The following NKAIN2 variants were observed in gnomAD, a reference collection of about 807,000 sequenced individuals.
NKAIN2 encodes the protein sodium/potassium-transporting ATPase subunit beta-1-interacting protein 2.
In NKAIN2, 14 loss-of-function variants were observed where a neutral mutation model predicts 32.6. The observed-to-expected ratio is 0.43, with a 90% CI of 0.28 to 0.67. The LOEUF is 0.67. Ranked by LOEUF, NKAIN2 falls within the 30% of genes least tolerant of loss-of-function variation. The probability of loss-of-function intolerance (pLI) is 0.17; values close to 1 mark genes in which losing one functional copy is unlikely to be tolerated. For missense variants in NKAIN2, 198 were observed against 258.3 expected (o/e 0.77, Z 1.60); for synonymous variants, 80 against 87.2 (o/e 0.92, Z 0.46).
At chr6:124,281,444 C>T (rs547094682) in intron 1 of NKAIN2, among the ~76,000 whole-genome samples, 32 of 152,272 alleles carry the variant, frequency 2.1e-4, no homozygotes, top group African/African-American at 7.5e-4. Context: ...CATCAGAAGA[C>T]AATTCAGGTT....
At chr6:124,526,946 C>T (rs984865515) in intron 3 of NKAIN2, among the ~76,000 whole-genome samples, 10 of 151,968 alleles carry the variant, frequency 6.6e-5, no homozygotes, top group Non-Finnish European at 1.3e-4. Context: ...ATTTTTTTTC[C>T]TTATTAGCCT....
chr6:123,865,919 G>A (rs753439983), intron 1 of NKAIN2, among the ~76,000 whole-genome samples: 3 of 152,196 alleles, frequency 2.0e-5, no homozygotes, highest in Non-Finnish European at 4.4e-5. Flanking sequence ...AATTTGAATT[G>A]TACAATGTAA....
intron 1 of NKAIN2, among the ~76,000 whole-genome samples, chr6:123,853,246 A>G (rs1003050989): frequency 1.1e-4 from 16 of 152,238 alleles, no homozygotes; most frequent in African/African-American, 3.4e-4. Context: ...AAGAAAAAAG[A>G]TCTTTCTTCT....
At chr6:123,826,594 T>C (rs1315342319) in intron 1 of NKAIN2, among the ~76,000 whole-genome samples, 1 of 152,158 alleles carries the variant, frequency 6.6e-6, no homozygotes, top group Non-Finnish European at 1.5e-5. Flanking sequence ...ATATCTCATA[T>C]AAGTAGAATC....
chr6:124,348,789 C>A (rs566486984), intron 2 of NKAIN2, among the ~76,000 whole-genome samples: 1 of 152,174 alleles, frequency 6.6e-6, no homozygotes, highest in East Asian at 1.9e-4. Context: ...CGAAGCAGGG[C>A]GAGGCATTGC....
intron 2 of NKAIN2, among the ~76,000 whole-genome samples, chr6:124,331,528 C>CA (rs764118499): frequency 0.022 from 1,477 of 66,286 alleles, 38 homozygotes; most frequent in African/African-American, 0.051. Context: ...GACTCCGTCT[C>CA]AAAAAAAAAA....
At chr6:124,709,116 G>A (rs894303706) in intron 4 of NKAIN2, among the ~76,000 whole-genome samples, 14 of 130,332 alleles carry the variant, frequency 1.1e-4, no homozygotes, top group Non-Finnish European at 2.1e-4. Flanking sequence ...TTTGTCTTTG[G>A]CTCTGTTTAT....
intron 1 of NKAIN2, among the ~76,000 whole-genome samples, chr6:124,245,430 T>C (rs964613096): frequency 2.0e-4 from 31 of 151,740 alleles, no homozygotes; most frequent in African/African-American, 7.5e-4. Context: ...ACAGGAGTGT[T>C]ATATATATAT....
At chr6:124,226,531 A>G (rs1582882275) in intron 1 of NKAIN2, among the ~76,000 whole-genome samples, 1 of 152,186 alleles carries the variant, frequency 6.6e-6, no homozygotes, top group East Asian at 1.9e-4. Flanking sequence ...TGTCAAAGGC[A>G]GAGTGTTGCC....
intron 1 of NKAIN2, among the ~76,000 whole-genome samples, chr6:124,100,745 G>C (rs1784845993): frequency 6.6e-6 from 1 of 152,154 alleles, no homozygotes; most frequent in African/African-American, 2.4e-5. Context: ...TCGGATGCAG[G>C]CTTCTAATAG....
intron 1 of NKAIN2, among the ~76,000 whole-genome samples, chr6:124,090,096 A>G (rs149433256): frequency 1.3e-5 from 2 of 152,172 alleles, no homozygotes; most frequent in Non-Finnish European, 2.9e-5. Flanking sequence ...AATACTAACT[A>G]GCATTTAATA....
At chr6:124,210,220 A>G (rs977132460) in intron 1 of NKAIN2, among the ~76,000 whole-genome samples, 2 of 151,456 alleles carry the variant, frequency 1.3e-5, no homozygotes, top group South Asian at 2.1e-4. Context: ...CCTTTCCCCA[A>G]TGTATGTTCT....
At chr6:124,145,098 A>T (rs879497240) in intron 1 of NKAIN2, among the ~76,000 whole-genome samples, 2 of 152,238 alleles carry the variant, frequency 1.3e-5, no homozygotes, top group Admixed American at 1.3e-4. Context: ...CATATATCAC[A>T]ATGGCCAAAA....
intron 1 of NKAIN2, among the ~76,000 whole-genome samples, chr6:123,958,771 G>A (rs946594043): frequency 2.6e-5 from 4 of 152,186 alleles, no homozygotes; most frequent in South Asian, 2.1e-4. Context: ...AGGCTGAATC[G>A]CTACGTCAAC....
chr6:124,815,918 C>T (rs560257119), intron 5 of NKAIN2, among the ~76,000 whole-genome samples: 17 of 152,188 alleles, frequency 1.1e-4, no homozygotes, highest in East Asian at 5.8e-4. Context: ...CAATTATATG[C>T]GATAAATATG....
chr6:124,316,173 T>C (rs1236843047), intron 2 of NKAIN2, among the ~76,000 whole-genome samples: 2 of 152,146 alleles, frequency 1.3e-5, no homozygotes, highest in African/African-American at 2.4e-5. Context: ...GTAATGTATA[T>C]CTTGACTACC....
At chr6:124,740,443 TACAC>T (rs1777147596) in intron 4 of NKAIN2, among the ~76,000 whole-genome samples, 1 of 99,278 alleles carries the variant, frequency 1.0e-5, no homozygotes, top group Non-Finnish European at 2.1e-5. Context: ...TATACACATA[TACAC>T]GTGTGTGTGT....
chr6:124,300,479 G>A (rs902888927), intron 2 of NKAIN2, among the ~76,000 whole-genome samples: 2 of 152,120 alleles, frequency 1.3e-5, no homozygotes, highest in African/African-American at 4.8e-5. Flanking sequence ...TAGTAAATTG[G>A]TACCAGTAAA....
chr6:124,607,409 G>T (rs996315557), intron 3 of NKAIN2, among the ~76,000 whole-genome samples: 5 of 152,112 alleles, frequency 3.3e-5, no homozygotes, highest in Non-Finnish European at 7.4e-5. Context: ...AAAGTAATCT[G>T]ATTGGCTACA....
Sources: gnomAD v4.1 joint callset for allele counts (sites outside exome capture counted in the v4.1 genomes callset) on GRCh38, gnomAD v4.1.1 for gene constraint, MANE v1.5 for transcripts, NCBI Gene and HGNC (gene_info 2026-07-23, HGNC 2026-07-21) for gene names.